Variants in CNIH3 observed in about 807,000 individuals in gnomAD.
CNIH3 encodes the protein protein cornichon homolog 3.
In CNIH3, 14 loss-of-function variants were observed where a neutral mutation model predicts 24.1. The ratio of observed to expected loss-of-function variants is 0.58; its 90% CI spans 0.38 to 0.91. CNIH3 has a LOEUF of 0.91. CNIH3 is among the 40% of genes least tolerant of loss of function. CNIH3 has a pLI of 0.00. For missense variants in CNIH3, 178 were observed against 196.8 expected, an observed-to-expected ratio of 0.90 and a Z score of 0.57; for synonymous variants, 68 against 73.8, an observed-to-expected ratio of 0.92 and a Z score of 0.40.
intron 1 of CNIH3, among the ~76,000 whole-genome samples, chr1:224,508,302 C>G (rs954607925): frequency 2.6e-5 from 4 of 152,188 alleles, no homozygotes; most frequent in Admixed American, 1.3e-4. Flanking sequence ...GGCACAGGCT[C>G]AGATCTGGGA....
chr1:224,617,985 C>T (rs1168500977), intron 1 of CNIH3, among the ~76,000 whole-genome samples: 1 of 152,178 alleles, frequency 6.6e-6, no homozygotes, highest in Non-Finnish European at 1.5e-5. Context: ...CGCTAGGCCC[C>T]CAGCGTCCCC....
chr1:224,460,562 T>C (rs1025265030), intron 1 of CNIH3, among the ~76,000 whole-genome samples: 2 of 152,256 alleles, frequency 1.3e-5, no homozygotes, highest in African/African-American at 4.8e-5. Flanking sequence ...GTCAATTCTT[T>C]TCTTTTTATT....
intron 1 of CNIH3, among the ~76,000 whole-genome samples, chr1:224,678,092 GT>G (rs1408624986): frequency 6.6e-6 from 1 of 152,114 alleles, no homozygotes; most frequent in Non-Finnish European, 1.5e-5. Flanking sequence ...ACGATACTGT[GT>G]TTATTAGGAT....
chr1:224,734,660 T>G lies in CNIH3; in HGVS notation c.409T>G (p.Cys137Gly), dbSNP rs1355123402. Residue 137 changes from cysteine to glycine, a missense_variant, in exon 5 of 6, where the codon TGT becomes GGT. Physicochemically the swap from Cys to Gly is radical, Grantham distance 159. Transcript: ENST00000272133. ...GAGTTACTGTCAGAAGGAGGCCTGG[T>G]GTAAGCTGGCCTTCTATCTCCTCTC... ...TLSYCQKEAW[C>G]KLAFYLLSFF... The G allele has an allele frequency of 1.9e-6, 3 of 1,614,076 alleles. No individual in the cohort carries two copies. Among genetic ancestry groups the G allele is most frequent in the Admixed American group, 3.3e-5 (2 of 60,008 alleles).
intron 1 of CNIH3, among the ~76,000 whole-genome samples, chr1:224,631,030 G>A (rs539237790): frequency 1.3e-5 from 2 of 152,094 alleles, no homozygotes; most frequent in South Asian, 2.1e-4. Context: ...GTGGTGGTGC[G>A]TGCCTGTCAT....
intron 1 of CNIH3, among the ~76,000 whole-genome samples, chr1:224,482,639 TTCCTC>T (rs1676860620): frequency 6.6e-6 from 1 of 151,872 alleles, no homozygotes; most frequent in Non-Finnish European, 1.5e-5. Context: ...TCTTTACTCT[TTCCTC>T]TCCTCTCCTC....
chr1:224,734,510 T>C, intron 4 of CNIH3, 53 bp from the exon 5 acceptor site: 14 of 1,596,934 alleles, frequency 8.8e-6, no homozygotes, highest in Non-Finnish European at 1.2e-5. Flanking sequence ...TTTGCCCAGG[T>C]TACGCCAGAA....
At chr1:224,509,312 A>G (rs1412418955) in intron 1 of CNIH3, among the ~76,000 whole-genome samples, 1 of 152,132 alleles carries the variant, frequency 6.6e-6, no homozygotes, top group Non-Finnish European at 1.5e-5. Flanking sequence ...TGAGAGAGTG[A>G]AACCCTGAAG....
chr1:224,514,606 G>T (rs573003717), upstream of CNIH3, among the ~76,000 whole-genome samples: 1 of 152,118 alleles, frequency 6.6e-6, no homozygotes, highest in Non-Finnish European at 1.5e-5. Flanking sequence ...TGAGGTGGGC[G>T]GATCACTTGA....
intron 1 of CNIH3, among the ~76,000 whole-genome samples, chr1:224,465,484 C>A (rs1316989944): frequency 6.6e-6 from 1 of 152,364 alleles, no homozygotes; most frequent in East Asian, 1.9e-4. Context: ...CATAAGTTTA[C>A]AGGAGTCTAC....
intron 1 of CNIH3, among the ~76,000 whole-genome samples, chr1:224,501,826 C>A (rs543115734): frequency 1.4e-4 from 21 of 152,144 alleles, no homozygotes; most frequent in Middle Eastern, 6.8e-3. Flanking sequence ...GGCAATCCAC[C>A]TGCCTCGGCC....
intron 1 of CNIH3, among the ~76,000 whole-genome samples, chr1:224,652,584 C>T (rs547878920): frequency 2.0e-5 from 3 of 152,208 alleles, no homozygotes; most frequent in Admixed American, 1.3e-4. Flanking sequence ...CTAAGTGGAG[C>T]GTCGGGCCCC....
upstream of CNIH3, chr1:224,515,639 A>T (rs1415919154): frequency 1.3e-5 from 2 of 152,170 alleles, no homozygotes; most frequent in Admixed American, 1.3e-4. Context: ...TTCAATCCAC[A>T]GTTTCTTTTT....
chr1:224,526,117 A>G (rs1306745914), intron 2 of CNIH3, among the ~76,000 whole-genome samples: 1 of 152,158 alleles, frequency 6.6e-6, no homozygotes, highest in Non-Finnish European at 1.5e-5. Context: ...CTACAGTTAC[A>G]TTTGCTGGTT....
chr1:224,451,081 T>G (rs1317205), intron 1 of CNIH3, among the ~76,000 whole-genome samples: 14,151 of 152,248 alleles, frequency 0.093, 2,112 homozygotes, highest in African/African-American at 0.32. Context: ...TGTGCCTTTG[T>G]GCAGGGCAAA....
At chr1:224,656,542 G>A (rs984248191) in intron 1 of CNIH3, among the ~76,000 whole-genome samples, 3 of 152,086 alleles carry the variant, frequency 2.0e-5, no homozygotes, top group East Asian at 1.9e-4. Flanking sequence ...TAAGGGCGGC[G>A]GGCGGCGGGG....
chr1:224,564,910 G>A (rs912375445), intron 3 of CNIH3, among the ~76,000 whole-genome samples: 4 of 152,388 alleles, frequency 2.6e-5, no homozygotes, highest in Middle Eastern at 6.8e-3. Context: ...GGCCTGAGCA[G>A]TTACAGTGGG....
At chr1:224,500,344 T>C (rs1677603770) in intron 1 of CNIH3, among the ~76,000 whole-genome samples, 1 of 152,110 alleles carries the variant, frequency 6.6e-6, no homozygotes, top group African/African-American at 2.4e-5. Context: ...GGTCCCAAAA[T>C]GGTTGCCAGC....
intron 3 of CNIH3, among the ~76,000 whole-genome samples, chr1:224,600,098 A>G (rs780655320): frequency 3.3e-5 from 5 of 151,980 alleles, no homozygotes; most frequent in Non-Finnish European, 2.9e-5. Flanking sequence ...CCTATTGAAT[A>G]TTTCATGTTT....
Sources: gnomAD v4.1 joint callset for allele counts (sites outside exome capture counted in the v4.1 genomes callset) on GRCh38, gnomAD v4.1.1 for gene constraint, MANE v1.5 for transcripts, NCBI Gene and HGNC (gene_info 2026-07-23, HGNC 2026-07-21) for gene names.